Variants in PLPPR5 observed in about 807,000 individuals in gnomAD.
PLPPR5 encodes the protein phospholipid phosphatase related 5.
In PLPPR5, 16 loss-of-function variants were observed where a neutral mutation model predicts 33.9. The observed-to-expected ratio is 0.47, with a 90% CI of 0.32 to 0.72. PLPPR5 has a LOEUF of 0.72. Ranked by LOEUF, PLPPR5 falls within the 30% of genes least tolerant of loss-of-function variation. The pLI is 0.03. For synonymous variants in PLPPR5, 163 were observed against 150.3 expected (o/e 1.08, Z -0.62); for missense variants, 301 against 406.7 (o/e 0.74, Z 2.23).
chr1:98,928,251 T>C (rs954137068), intron 3 of PLPPR5, among the ~76,000 whole-genome samples: 10 of 151,996 alleles, frequency 6.6e-5, no homozygotes, highest in Non-Finnish European at 1.3e-4. Flanking sequence ...AAAATGTTAA[T>C]ATATGTTTGA....
chr1:98,959,719 T>C (rs1651156830), intron 1 of PLPPR5, among the ~76,000 whole-genome samples: 1 of 152,154 alleles, frequency 6.6e-6, no homozygotes, highest in African/African-American at 2.4e-5. Context: ...ACAGTTCAAC[T>C]GATAAGATTT....
At chr1:98,947,538 CAATT>C (rs1650602527) in intron 3 of PLPPR5, among the ~76,000 whole-genome samples, 1 of 152,048 alleles carries the variant, frequency 6.6e-6, no homozygotes, top group African/African-American at 2.4e-5. Flanking sequence ...TGATTATGAG[CAATT>C]ATTTAATATC....
chr1:98,991,821 A>G (rs1296566560), intron 1 of PLPPR5, among the ~76,000 whole-genome samples: 3 of 152,092 alleles, frequency 2.0e-5, no homozygotes, highest in African/African-American at 7.2e-5. Context: ...TTGGAGTTCA[A>G]ACCTTTGCTA....
intron 5 of PLPPR5, among the ~76,000 whole-genome samples, chr1:98,901,827 G>A (rs1017784627): frequency 4.6e-5 from 7 of 151,838 alleles, no homozygotes; most frequent in African/African-American, 1.7e-4. Context: ...TATATTTAAG[G>A]AACATTTACC....
At chr1:98,981,092 C>T (rs1472519796) in intron 1 of PLPPR5, among the ~76,000 whole-genome samples, 1 of 152,000 alleles carries the variant, frequency 6.6e-6, no homozygotes, top group Non-Finnish European at 1.5e-5. Flanking sequence ...CCTTAAAACT[C>T]TAAACCAATA....
chr1:98,913,460 C>T (rs1301479649), intron 5 of PLPPR5, among the ~76,000 whole-genome samples: 1 of 152,138 alleles, frequency 6.6e-6, no homozygotes, highest in Non-Finnish European at 1.5e-5. Context: ...CTTTTGGCAG[C>T]CTTATCATGC....
intron 3 of PLPPR5, among the ~76,000 whole-genome samples, chr1:98,939,997 T>G (rs1650315180): frequency 6.6e-6 from 1 of 151,806 alleles, no homozygotes. Flanking sequence ...AAATGTAGGC[T>G]GAGAGAATAG....
At position 98,942,736 on chromosome 1, in the gene PLPPR5, C is replaced by T. The variant is rs541258804; in HGVS notation, c.621+10334G>A. Among the ~76,000 whole-genome samples, 14 of 152,224 alleles carry T rather than the reference C, an allele frequency of 9.2e-5. No individual in the cohort carries two copies. The East Asian group carries it at 2.5e-3, about 27-fold the overall frequency. The stretch of plus-strand genomic sequence containing the variant: ...GAATTAAAAGGCTCCAGGAAGTGGG[C>T]ATTGCTGGAATGTACACATCATGTG... On this transcript the variant is annotated intron_variant, in intron 3 of 5. Coordinates refer to ENST00000263177, the MANE Select transcript of PLPPR5 (RefSeq NM_001037317.2).
intron 2 of PLPPR5, among the ~76,000 whole-genome samples, chr1:98,954,703 C>A (rs1407298816): frequency 1.3e-5 from 2 of 152,182 alleles, no homozygotes; most frequent in South Asian, 2.1e-4. Context: ...CTTAACATCT[C>A]ACCAGCATTG....
intron 5 of PLPPR5, among the ~76,000 whole-genome samples, chr1:98,905,725 C>A (rs141149799): frequency 0.023 from 3,483 of 152,102 alleles, 61 homozygotes; most frequent in Non-Finnish European, 0.034. Flanking sequence ...GGTTTCTATT[C>A]TTTCTGCCAA....
At chr1:98,988,297 G>A (rs769014728) in intron 1 of PLPPR5, among the ~76,000 whole-genome samples, 44 of 152,130 alleles carry the variant, frequency 2.9e-4, no homozygotes, top group Non-Finnish European at 6.0e-4. Flanking sequence ...ATGTATTCAG[G>A]CCAAGTTTAA....
rs116559168 is a variant in PLPPR5 at position 98,910,747 on chromosome 1, C to G, written c.933+4039G>C. On this transcript the variant is annotated intron_variant, in intron 5 of 5. Coordinates refer to ENST00000263177, the MANE Select transcript of PLPPR5 (RefSeq NM_001037317.2). ...CACTAACACGCGCACATCACACTCA[C>G]CCACACTGGGACCATTTAAACATGC... 5.6e-3 allele frequency among the ~76,000 whole-genome samples: 857 copies of G among 152,164 alleles called. 7 individuals are homozygous for G. Among genetic ancestry groups the G allele is most frequent in the African/African-American group, 0.02 (823 of 41,502 alleles).
intron 1 of PLPPR5, among the ~76,000 whole-genome samples, chr1:98,997,622 T>G (rs1304495614): frequency 6.6e-6 from 1 of 152,198 alleles, no homozygotes; most frequent in Admixed American, 6.5e-5. Context: ...TACATTTTTT[T>G]AATCTTTGCT....
At chr1:98,942,860 CAGA>C (rs1650426063) in intron 3 of PLPPR5, among the ~76,000 whole-genome samples, 1 of 152,118 alleles carries the variant, frequency 6.6e-6, no homozygotes, top group Admixed American at 6.6e-5. Context: ...CAGCATCACC[CAGA>C]AGTTCAGTGA....
At chr1:98,967,860 G>C (rs374250698) in intron 1 of PLPPR5, among the ~76,000 whole-genome samples, 1 of 152,082 alleles carries the variant, frequency 6.6e-6, no homozygotes, top group African/African-American at 2.4e-5. Context: ...AGTGTTTTTG[G>C]TAAGGGAGTA....
At chr1:98,973,005 C>G (rs1369601245) in intron 1 of PLPPR5, among the ~76,000 whole-genome samples, 4 of 152,024 alleles carry the variant, frequency 2.6e-5, no homozygotes, top group Admixed American at 6.6e-5. Context: ...GGAGTCAGCC[C>G]AGGGTAGAAC....
At chr1:98,966,651 A>T (rs1279331041) in intron 1 of PLPPR5, among the ~76,000 whole-genome samples, 1 of 152,192 alleles carries the variant, frequency 6.6e-6, no homozygotes, top group African/African-American at 2.4e-5. Flanking sequence ...TGATGGAAGG[A>T]TATGAGGTCA....
At chr1:98,933,825 G>A (rs1021950281) in intron 3 of PLPPR5, among the ~76,000 whole-genome samples, 12 of 152,180 alleles carry the variant, frequency 7.9e-5, no homozygotes, top group East Asian at 3.9e-4. Context: ...AAGGCACCAC[G>A]GGGCATGAAG....
intron 3 of PLPPR5, among the ~76,000 whole-genome samples, chr1:98,939,581 G>A (rs1650299624): frequency 6.6e-6 from 1 of 151,670 alleles, no homozygotes; most frequent in African/African-American, 2.4e-5. Context: ...TCAAAGCCTT[G>A]GCAGGCAGGC....
Sources: gnomAD v4.1 joint callset for allele counts (sites outside exome capture counted in the v4.1 genomes callset) on GRCh38, gnomAD v4.1.1 for gene constraint, MANE v1.5 for transcripts, NCBI Gene and HGNC (gene_info 2026-07-23, HGNC 2026-07-21) for gene names.